CAST: variants seen among roughly 807,000 people sequenced by gnomAD.
CAST encodes the protein calpastatin.
Under a neutral mutation model 119.6 loss-of-function variants are expected in CAST, and 76 were observed. That is an observed-to-expected ratio of 0.64 (90% confidence interval 0.53 to 0.77). The LOEUF (loss-of-function observed/expected upper bound fraction) is 0.77. Ranked by LOEUF, CAST falls within the 30% of genes least tolerant of loss-of-function variation. The pLI is 0.00. For missense variants in CAST, 953 were observed against 946.5 expected, an observed-to-expected ratio of 1.01 and a Z score of -0.09; for synonymous variants, 319 against 331.6, an observed-to-expected ratio of 0.96 and a Z score of 0.41.
At chr5:96,513,794 G>A in the CAST span, among the ~76,000 whole-genome samples, 2 of 152,112 alleles carry the variant, frequency 1.3e-5, no homozygotes, top group Admixed American at 6.6e-5. Flanking sequence ...ACCACAAACT[G>A]GGCAGCTTAA....
the CAST span, among the ~76,000 whole-genome samples, chr5:96,039,930 G>A: frequency 6.6e-6 from 1 of 152,126 alleles, no homozygotes; most frequent in South Asian, 2.1e-4. Context: ...ATAGCTTGAT[G>A]GGGATAGCAT....
At chr5:96,094,215 A>G in the CAST span, among the ~76,000 whole-genome samples, 1 of 152,198 alleles carries the variant, frequency 6.6e-6, no homozygotes, top group African/African-American at 2.4e-5. Context: ...CTTACCTAGA[A>G]TGTTTGTTCT....
In CAST at chr5:96,722,664, G is replaced by C. The variant is rs778948116; in HGVS notation, c.236G>C (p.Ser79Thr). The C allele has an allele frequency of 6.2e-7, 1 of 1,613,434 alleles. No individual in the cohort carries two copies. Among genetic ancestry groups the C allele is most frequent in the Non-Finnish European group, 8.5e-7 (1 of 1,179,328 alleles). The change falls in exon 4 of 32, where the codon AGC becomes ACC. Residue 79 changes from serine (S) to threonine (T), a missense_variant. Transcript: ENST00000675179. ...GTGTCAGCTTCCTCTGGTGCAACCA[G>C]CAAGTCTTCCAGTATGAATCCCACA... ...TKVSASSGAT[S>T]KSSSMNPTET...
chr5:96,124,793 T>G, the CAST span, among the ~76,000 whole-genome samples: 1 of 152,098 alleles, frequency 6.6e-6, no homozygotes, highest in Admixed American at 6.6e-5. Flanking sequence ...TTAGTAAGAG[T>G]GGTAACAAAA....
At chr5:96,038,133 G>T in the CAST span, among the ~76,000 whole-genome samples, 1 of 152,114 alleles carries the variant, frequency 6.6e-6, no homozygotes, top group Non-Finnish European at 1.5e-5. Flanking sequence ...CAAAAAGCTA[G>T]TCATACATAG....
chr5:96,511,291 C>A, the CAST span, among the ~76,000 whole-genome samples: 1 of 152,060 alleles, frequency 6.6e-6, no homozygotes, highest in Non-Finnish European at 1.5e-5. Flanking sequence ...ACTACAGGCG[C>A]CCGCCACCAC....
At position 96,663,257 on chromosome 5, in the gene CAST, A is replaced by T. The variant is rs529139379; in HGVS notation, c.75+760A>T. 2.9e-4 allele frequency: 200 copies of T among 701,628 alleles called. 1 individual carries two copies. In the African/African-American group the frequency reaches 3.0e-3, roughly 10 times the overall value. The allele number at this position is 701,628 out of a possible 1,614,324, so 43.5% of individuals were successfully genotyped here. A position where few individuals can be genotyped will look rare whatever the true frequency, so the allele number is the denominator to read the frequency against. ...CTTTGCCCTTCTGGGCGTGCGGATG[A>T]AGCGTTGTCCGGGGTTTGGCGGGGA... On this transcript the variant is annotated intron_variant, in intron 1 of 31. Transcript: ENST00000675179.
the CAST span, among the ~76,000 whole-genome samples, chr5:96,285,662 T>A: frequency 6.6e-6 from 1 of 152,186 alleles, no homozygotes; most frequent in African/African-American, 2.4e-5. Context: ...CTCATCTCAG[T>A]TATTCCGCTT....
chr5:96,461,953 G>C, the CAST span, among the ~76,000 whole-genome samples: 1 of 152,086 alleles, frequency 6.6e-6, no homozygotes, highest in Non-Finnish European at 1.5e-5. Flanking sequence ...AGCTCAGGTG[G>C]ACAGCACTAA....
chr5:96,416,431 G>A, the CAST span, among the ~76,000 whole-genome samples: 1 of 152,336 alleles, frequency 6.6e-6, no homozygotes, highest in Non-Finnish European at 1.5e-5. Flanking sequence ...GCAGTGGATG[G>A]CAGATAGTAA....
chr5:96,151,112 T>C, the CAST span, among the ~76,000 whole-genome samples: 1 of 152,166 alleles, frequency 6.6e-6, no homozygotes, highest in Admixed American at 6.5e-5. Flanking sequence ...AGTTCTGATA[T>C]TAAAATCACC....
chr5:96,435,029 T>C, the CAST span, among the ~76,000 whole-genome samples: 2 of 152,312 alleles, frequency 1.3e-5, no homozygotes, highest in East Asian at 3.9e-4. Context: ...GGGTAAGCTG[T>C]CTTCTTTTCC....
the CAST span, among the ~76,000 whole-genome samples, chr5:96,306,068 G>C: frequency 6.6e-6 from 1 of 152,148 alleles, no homozygotes; most frequent in African/African-American, 2.4e-5. Context: ...CTGTGAATCC[G>C]TCTGTTCCTA....
At chr5:96,233,434 T>C in the CAST span, among the ~76,000 whole-genome samples, 1 of 152,126 alleles carries the variant, frequency 6.6e-6, no homozygotes, top group Non-Finnish European at 1.5e-5. Context: ...AAGTAACTTG[T>C]GTTACATTAC....
At chr5:96,105,250 T>C in the CAST span, among the ~76,000 whole-genome samples, 99 of 152,332 alleles carry the variant, frequency 6.5e-4, 1 homozygote, top group African/African-American at 2.3e-3. Flanking sequence ...CTGATTGCCC[T>C]GACCAGAGCT....
At chr5:96,014,709 A>T in the CAST span, among the ~76,000 whole-genome samples, 7 of 152,182 alleles carry the variant, frequency 4.6e-5, no homozygotes, top group Non-Finnish European at 8.8e-5. Flanking sequence ...ATACAGATCT[A>T]TGCAAGTAGG....
At chr5:96,312,405 T>C in the CAST span, among the ~76,000 whole-genome samples, 1 of 152,130 alleles carries the variant, frequency 6.6e-6, no homozygotes, top group African/African-American at 2.4e-5. Flanking sequence ...CTGATTTTTT[T>C]CCTTCCCCTT....
At chr5:96,091,272 G>A in the CAST span, among the ~76,000 whole-genome samples, 1 of 150,992 alleles carries the variant, frequency 6.6e-6, no homozygotes. Context: ...GCACAAGCTT[G>A]GCTCACTGCA....
the CAST span, among the ~76,000 whole-genome samples, chr5:96,342,212 G>T: frequency 6.6e-6 from 1 of 152,228 alleles, no homozygotes; most frequent in Non-Finnish European, 1.5e-5. Flanking sequence ...CATGGGAAGA[G>T]CCTGGAAGTT....
Sources: allele counts gnomAD v4.1 joint callset (sites outside exome capture counted in the v4.1 genomes callset), GRCh38; gene constraint gnomAD v4.1.1; transcripts MANE v1.5; gene names NCBI Gene and HGNC (gene_info 2026-07-23, HGNC 2026-07-21).